CSMD1: variants seen among roughly 807,000 people sequenced by gnomAD.
CSMD1 encodes the protein CUB and Sushi multiple domains 1, also known as CUB and sushi domain-containing protein 1.
In CSMD1, 213 loss-of-function variants were observed where a neutral mutation model predicts 417.5. The observed-to-expected ratio is 0.51, with a 90% CI of 0.46 to 0.57. The LOEUF (loss-of-function observed/expected upper bound fraction) is 0.57, where lower values mean the gene tolerates loss of function less well. Ranked by LOEUF, CSMD1 falls within the 20% of genes least tolerant of loss-of-function variation. The probability of loss-of-function intolerance (pLI) is 0.00; values close to 1 mark genes in which losing one functional copy is unlikely to be tolerated. For synonymous variants in CSMD1, 2,862 were observed against 1,736.8 expected, an observed-to-expected ratio of 1.65 and a Z score of -16.11; for missense variants, 6,923 against 4,529.7, an observed-to-expected ratio of 1.53 and a Z score of -15.17.
chr8:4,277,554 C>T (rs1026902140), intron 3 of CSMD1, among the ~76,000 whole-genome samples: 8 of 152,108 alleles, frequency 5.3e-5, no homozygotes, highest in African/African-American at 1.7e-4. Context: ...AAATTATAGA[C>T]ATGGATAGAG....
intron 49 of CSMD1, among the ~76,000 whole-genome samples, chr8:3,081,035 T>C (rs1007881808): frequency 1.3e-5 from 2 of 152,286 alleles, no homozygotes; most frequent in African/African-American, 4.8e-5. Context: ...AAGTGATGGA[T>C]TAGTGATTTT....
intron 8 of CSMD1, among the ~76,000 whole-genome samples, chr8:3,610,045 C>A (rs1385741770): frequency 6.6e-6 from 1 of 151,778 alleles, no homozygotes; most frequent in African/African-American, 2.4e-5. Context: ...CGAGATTCAC[C>A]CACCTTAGCC....
chr8:4,745,538 G>C (rs941302767), intron 1 of CSMD1, among the ~76,000 whole-genome samples: 8 of 152,202 alleles, frequency 5.3e-5, no homozygotes, highest in South Asian at 2.1e-4. Context: ...GCTTTTGTTT[G>C]TTCATCTGAC....
At position 4,436,032 on chromosome 8, in the gene CSMD1, T is replaced by C. The variant is rs370250454; in HGVS notation, c.303-15967A>G. On this transcript the variant is annotated intron_variant, in intron 2 of 69. Coordinates refer to ENST00000635120, the MANE Select transcript of CSMD1 (RefSeq NM_033225.6). ...TCATACGCAGCAGCTTGTTAAAATATAAGACCCAATCAAGATCATTCACAG... is the reference window on the plus strand; with the variant it reads ...TCATACGCAGCAGCTTGTTAAAATACAAGACCCAATCAAGATCATTCACAG... Among the ~76,000 whole-genome samples the C allele has an allele frequency of 2.2e-3, 340 of 152,326 alleles. 3 individuals are homozygous for C. The highest frequency in any genetic ancestry group is 0.014 in the Middle Eastern group (4 of 294).
At chr8:3,750,781 C>T (rs985954490) in intron 6 of CSMD1, among the ~76,000 whole-genome samples, 6 of 152,198 alleles carry the variant, frequency 3.9e-5, no homozygotes, top group Middle Eastern at 6.8e-3. Context: ...TGAGAAGGGC[C>T]CATCTCATCC....
At position 3,543,809 on chromosome 8, in the gene CSMD1, T is replaced by G. The variant is rs74726438; in HGVS notation, c.1344+31136A>C. On this transcript the variant is annotated intron_variant, in intron 10 of 69. Transcript: ENST00000635120. ...CTGTTTGCAGTCTGAGTTCAGAGTC[T>G]GAATAGGAACATTTTGGTAGAGGTT... Among the ~76,000 whole-genome samples, 865 of 152,292 alleles carry G rather than the reference T, an allele frequency of 5.7e-3. 10 individuals carry two copies. The highest frequency in any genetic ancestry group is 0.02 in the African/African-American group (821 of 41,560).
At position 4,212,751 on chromosome 8, in the gene CSMD1, C is replaced by CTTTTTTTTT. The variant is rs5889027; in HGVS notation, c.416-180661_416-180653dup. Among the ~76,000 whole-genome samples, 20 of 99,230 alleles carry CTTTTTTTTT rather than the reference C, an allele frequency of 2.0e-4. 2 individuals carry two copies. The highest frequency in any genetic ancestry group is 7.7e-4 in the African/African-American group (18 of 23,464). The allele number at this position is 99,230 out of a possible 152,430, so 65.1% of individuals were successfully genotyped here. On this transcript the variant is annotated intron_variant, in intron 3 of 69. Coordinates refer to ENST00000635120, the MANE Select transcript of CSMD1 (RefSeq NM_033225.6). ...AAAAGTTTACAACAGCGGCCTTATT[C>CTTTTTTTTT]TTTTTTTTTTTTTTTTTTTTTTTTT...
At chr8:4,248,470 G>A (rs773493675) in intron 3 of CSMD1, among the ~76,000 whole-genome samples, 24 of 152,054 alleles carry the variant, frequency 1.6e-4, no homozygotes, top group Non-Finnish European at 2.8e-4. Flanking sequence ...AAGGTCAGTC[G>A]TTACTTACGA....
intron 23 of CSMD1, among the ~76,000 whole-genome samples, chr8:3,315,576 C>T (rs1465398590): frequency 6.6e-6 from 1 of 151,880 alleles, no homozygotes; most frequent in Non-Finnish European, 1.5e-5. Flanking sequence ...CAATTTTTCC[C>T]ATATATTAAG....
intron 39 of CSMD1, among the ~76,000 whole-genome samples, chr8:3,157,357 G>C (rs1819599567): frequency 1.3e-5 from 2 of 152,106 alleles, no homozygotes; most frequent in Admixed American, 6.5e-5. Flanking sequence ...AGTTTAGGGA[G>C]TCTCAAGCCA....
At chr8:3,973,503 A>C (rs913593086) in intron 5 of CSMD1, among the ~76,000 whole-genome samples, 1 of 152,228 alleles carries the variant, frequency 6.6e-6, no homozygotes, top group Admixed American at 6.5e-5. Context: ...ATACATCCCA[A>C]CAAATCATTC....
chr8:3,256,064 A>C lies in CSMD1; in HGVS notation c.4154-25833T>G, dbSNP rs1036945934. ...ATGACTGAGCCGGGTGAGGTGGCTCACACCTGTAATCCCAGGACTTTGGGG... is the reference window on the plus strand; with the variant it reads ...ATGACTGAGCCGGGTGAGGTGGCTCCCACCTGTAATCCCAGGACTTTGGGG... On this transcript the variant is annotated intron_variant, in intron 26 of 69. Transcript: ENST00000635120. Among the ~76,000 whole-genome samples, 4 of 152,154 alleles carry C rather than the reference A, an allele frequency of 2.6e-5. 1 individual carries two copies. Among genetic ancestry groups the C allele is most frequent in the Middle Eastern group, 6.3e-3 (2 of 316 alleles).
chr8:3,813,136 T>C (rs762108516), intron 5 of CSMD1, among the ~76,000 whole-genome samples: 1 of 151,734 alleles, frequency 6.6e-6, no homozygotes, highest in Admixed American at 6.6e-5. Flanking sequence ...TTCACATATG[T>C]TCCCACTGGC....
Position 3,968,411 on chromosome 8 carries a change from A to G in CSMD1, c.818+29492T>C, listed in dbSNP as rs184256547. Among the ~76,000 whole-genome samples the G allele has an allele frequency of 2.7e-3, 418 of 152,142 alleles. 1 individual carries two copies. The highest frequency in any genetic ancestry group is 4.6e-3 in the Non-Finnish European group (312 of 67,996). On this transcript the variant is annotated intron_variant, in intron 5 of 69. Coordinates refer to ENST00000635120, the MANE Select transcript of CSMD1 (RefSeq NM_033225.6). Reference sequence around the variant, plus strand: ...CACTGAGCACGGCTCTTCTTCCTTCATGGGTTCACATGGACACACACTCAG... The same window carrying G: ...CACTGAGCACGGCTCTTCTTCCTTCGTGGGTTCACATGGACACACACTCAG...
intron 52 of CSMD1, among the ~76,000 whole-genome samples, chr8:3,015,490 AAT>A (rs146923203): frequency 2.0e-5 from 3 of 151,362 alleles, no homozygotes. Context: ...CAGTTTTCAG[AAT>A]ATATATATAT....
rs897982540 is a variant in CSMD1 at position 4,594,391 on chromosome 8, G to A, written c.302+42951C>T. ...ATTTTTGTATTATTAGTAGAGACAG[G>A]ATTTCACCATGTTGGCCAGGCTGGT... On this transcript the variant is annotated intron_variant, in intron 2 of 69. Coordinates refer to ENST00000635120, the MANE Select transcript of CSMD1 (RefSeq NM_033225.6). Among the ~76,000 whole-genome samples, 29 of 151,656 alleles carry A rather than the reference G, an allele frequency of 1.9e-4. 1 individual carries two copies.
intron 3 of CSMD1, among the ~76,000 whole-genome samples, chr8:4,393,615 A>T (rs1272570736): frequency 1.3e-5 from 2 of 152,182 alleles, no homozygotes; most frequent in Non-Finnish European, 2.9e-5. Context: ...GTAAAGTGTC[A>T]TTGATTAAAT....
chr8:3,872,978 A>G (rs1180309669), intron 5 of CSMD1, among the ~76,000 whole-genome samples: 2 of 152,210 alleles, frequency 1.3e-5, no homozygotes, highest in African/African-American at 4.8e-5. Flanking sequence ...ATCATTAGAG[A>G]AACGCAAATC....
At chr8:4,382,276 G>T (rs999763664) in intron 3 of CSMD1, among the ~76,000 whole-genome samples, 1 of 152,118 alleles carries the variant, frequency 6.6e-6, no homozygotes, top group African/African-American at 2.4e-5. Flanking sequence ...ACAGCACTGG[G>T]GCTTATTGAG....
Sources: gnomAD v4.1 joint callset for allele counts (sites outside exome capture counted in the v4.1 genomes callset) on GRCh38, gnomAD v4.1.1 for gene constraint, MANE v1.5 for transcripts, NCBI Gene and HGNC (gene_info 2026-07-23, HGNC 2026-07-21) for gene names.